The following ERG variants were observed in gnomAD, a reference collection of about 807,000 sequenced individuals.
The protein encoded by ERG is ETS transcription factor ERG, also known as transcriptional regulator ERG.
A neutral mutation model predicts 55.3 loss-of-function variants in ERG; 9 were observed. The observed-to-expected ratio is 0.16, with a 90% CI of 0.10 to 0.28. ERG has a LOEUF of 0.28. ERG is among the 10% of genes least tolerant of loss of function. The probability of loss-of-function intolerance (pLI) is 1.00; values close to 1 mark genes in which losing one functional copy is unlikely to be tolerated. For missense variants in ERG, 434 were observed against 631.6 expected, an observed-to-expected ratio of 0.69 and a Z score of 3.35; for synonymous variants, 223 against 237.3, an observed-to-expected ratio of 0.94 and a Z score of 0.55.
At chr21:38,588,386 A>C (rs2060079957), upstream of ERG, among the ~76,000 whole-genome samples, 1 of 152,184 alleles carries the variant, frequency 6.6e-6, no homozygotes. Context: ...CCTGGGATTC[A>C]GTATTCAGTC....
chr21:38,496,173 C>T (rs1342806358), intron 1 of ERG, among the ~76,000 whole-genome samples: 1 of 152,156 alleles, frequency 6.6e-6, no homozygotes, highest in Non-Finnish European at 1.5e-5. Context: ...CATAGTGTCT[C>T]ATAGGGTCTT....
intron 9 of ERG, among the ~76,000 whole-genome samples, chr21:38,386,527 A>C (rs952071881): frequency 1.3e-5 from 2 of 152,248 alleles, no homozygotes; most frequent in African/African-American, 4.8e-5. Context: ...TCAGTCATAA[A>C]ATTTTAAGAG....
At chr21:38,503,609 C>G (rs1263324761) in intron 2 of ERG, among the ~76,000 whole-genome samples, 1 of 152,084 alleles carries the variant, frequency 6.6e-6, no homozygotes, top group Non-Finnish European at 1.5e-5. Context: ...CTGGGAGCGA[C>G]CCATGAAACG....
intron 1 of ERG, among the ~76,000 whole-genome samples, chr21:38,478,156 G>T (rs2059206421): frequency 6.6e-6 from 1 of 152,226 alleles, no homozygotes; most frequent in Non-Finnish European, 1.5e-5. Context: ...CCCAATAACA[G>T]TTTTGGAGAG....
chr21:38,573,210 C>T (rs57780472), intron 2 of ERG, among the ~76,000 whole-genome samples: 12,788 of 152,282 alleles, frequency 0.084, 705 homozygotes, highest in African/African-American at 0.15. Context: ...CCCTTGAAAG[C>T]GGGGTATTGT....
At chr21:38,534,324 GT>G (rs1293928203) in intron 2 of ERG, among the ~76,000 whole-genome samples, 2 of 152,046 alleles carry the variant, frequency 1.3e-5, no homozygotes, top group African/African-American at 4.8e-5. Flanking sequence ...AGAGAAAGTT[GT>G]TTTGAATGTT....
intron 9 of ERG, among the ~76,000 whole-genome samples, chr21:38,387,371 C>T (rs1042901933): frequency 4.6e-5 from 7 of 152,242 alleles, no homozygotes; most frequent in Non-Finnish European, 8.8e-5. Context: ...GTCTCTGCCC[C>T]GAGGCTCAGT....
intron 2 of ERG, among the ~76,000 whole-genome samples, chr21:38,566,285 C>T (rs953499395): frequency 2.6e-4 from 39 of 152,230 alleles, no homozygotes; most frequent in African/African-American, 8.4e-4. Flanking sequence ...TTGGGTGTCC[C>T]CATGGGAAAA....
In ERG at chr21:38,400,624, G is replaced by T. The variant is rs1301193472; in HGVS notation, c.695C>A (p.Pro232Gln). The change falls in exon 6 of 10, where the codon CCA (proline) becomes CAA (glutamine). Residue 232 changes from proline to glutamine, a missense_variant. Pro to Gln is a moderately conservative substitution (Grantham distance 76, BLOSUM62 -1). Transcript: ENST00000288319. ...AGCTTCAGGATATACTGAAGTATTT[G>T]GGAAAATAAAAGCTGCACCCCCTGC... ...RNTGGAAFIF[P>Q]NTSVYPEATQ... 6.2e-7 allele frequency: 1 copy of T among 1,606,196 alleles called. No homozygotes were observed. The highest frequency in any genetic ancestry group is 1.7e-5 in the Admixed American group (1 of 59,880).
intron 3 of ERG, among the ~76,000 whole-genome samples, chr21:38,416,895 A>T (rs1021649196): frequency 1.3e-4 from 20 of 152,324 alleles, no homozygotes; most frequent in African/African-American, 4.1e-4. Context: ...TGAGTTGGGG[A>T]TGTGGCAGAG....
chr21:38,592,808 T>C (rs912458765), intron 1 of ERG, among the ~76,000 whole-genome samples: 4 of 152,220 alleles, frequency 2.6e-5, no homozygotes, highest in African/African-American at 7.2e-5. Flanking sequence ...CTGAGCCATG[T>C]ATTGGCCATG....
At chr21:38,483,286 G>A (rs568337955) in intron 1 of ERG, among the ~76,000 whole-genome samples, 2 of 152,206 alleles carry the variant, frequency 1.3e-5, no homozygotes, top group South Asian at 4.1e-4. Flanking sequence ...GATTTTAGGT[G>A]CTCTTGCCCC....
intron 1 of ERG, among the ~76,000 whole-genome samples, chr21:38,636,132 T>A (rs2060386911): frequency 6.6e-6 from 1 of 152,214 alleles, no homozygotes; most frequent in Non-Finnish European, 1.5e-5. Context: ...CCCCTATTGA[T>A]CAGCATTTCT....
At chr21:38,590,440 C>G (rs747178439) in intron 1 of ERG, among the ~76,000 whole-genome samples, 2 of 152,154 alleles carry the variant, frequency 1.3e-5, no homozygotes, top group Non-Finnish European at 2.9e-5. Context: ...CCACAAGGCA[C>G]AGAGTATGAA....
intron 2 of ERG, among the ~76,000 whole-genome samples, chr21:38,438,065 G>A (rs2058807448): frequency 6.6e-6 from 1 of 152,188 alleles, no homozygotes; most frequent in Admixed American, 6.5e-5. Context: ...TGGCCTGCTT[G>A]TTGTCCTCGA....
chr21:38,627,088 T>A (rs2060329331), intron 1 of ERG, among the ~76,000 whole-genome samples: 1 of 151,918 alleles, frequency 6.6e-6, no homozygotes, highest in Admixed American at 6.6e-5. Flanking sequence ...AAAAATTTTT[T>A]AAATACCGAG....
chr21:38,473,442 CAAAGCTGTTTTTTAAAGACAATTTTAAAT>C lies in ERG; in HGVS notation c.18+24892_18+24920del, dbSNP rs2059158796. Among the ~76,000 whole-genome samples, 3 of 149,128 alleles carry C rather than the reference CAAAGCTGTTTTTTAAAGACAATTTTAAAT, an allele frequency of 2.0e-5. No homozygotes were observed. In the South Asian group the frequency reaches 6.3e-4, roughly 31 times the overall value. On this transcript the variant is annotated intron_variant, in intron 1 of 9. Coordinates refer to ENST00000288319, the MANE Select transcript of ERG (RefSeq NM_182918.4). ...ATATATATACATATATATATATATA[CAAAGCTGTTTTTTAAAGACAATTTTAAAT>C]AAGAAAAAAATAATTATTTTAGATA... is the stretch of plus-strand genomic sequence containing the variant.
chr21:38,594,003 T>A (rs1433253377), intron 1 of ERG, among the ~76,000 whole-genome samples: 1 of 152,260 alleles, frequency 6.6e-6, no homozygotes, highest in East Asian at 1.9e-4. Flanking sequence ...GTATATCACA[T>A]TGTTGACAAA....
chr21:38,632,809 T>A (rs2060365210), intron 1 of ERG, among the ~76,000 whole-genome samples: 1 of 152,202 alleles, frequency 6.6e-6, no homozygotes, highest in South Asian at 2.1e-4. Context: ...TAAAATGGTG[T>A]AGCCCCTCTG....
Sources: gnomAD v4.1 joint callset for allele counts (sites outside exome capture counted in the v4.1 genomes callset) on GRCh38, gnomAD v4.1.1 for gene constraint, MANE v1.5 for transcripts, NCBI Gene and HGNC (gene_info 2026-07-23, HGNC 2026-07-21) for gene names.